The following CENPW variants were observed in gnomAD, a reference collection of about 807,000 sequenced individuals.
The protein encoded by CENPW is centromere protein W.
In CENPW, 3 loss-of-function variants were observed where a neutral mutation model predicts 11.1. The ratio of observed to expected loss-of-function variants is 0.27; its 90% confidence interval spans 0.12 to 0.70. The LOEUF (loss-of-function observed/expected upper bound fraction) is 0.70. CENPW is among the 30% of genes least tolerant of loss of function. The pLI is 0.77. For synonymous variants in CENPW, 38 were observed against 42.0 expected (o/e 0.91, Z 0.37); for missense variants, 100 against 105.6 (o/e 0.95, Z 0.23).
chr6:126,446,454 C>T, the CENPW span, among the ~76,000 whole-genome samples: 68,118 of 149,892 alleles, frequency 0.45, 17,133 homozygotes, highest in East Asian at 0.97. Flanking sequence ...CTGAGACAGA[C>T]TTTCTCTGTG....
chr6:126,343,283 C>A (rs1008613558), intron 1 of CENPW, among the ~76,000 whole-genome samples: 28 of 152,120 alleles, frequency 1.8e-4, no homozygotes, highest in African/African-American at 6.8e-4. Flanking sequence ...TAAGCCTTAG[C>A]GCATTGGAGT....
At chr6:126,374,089 T>C in the CENPW span, among the ~76,000 whole-genome samples, 1 of 152,122 alleles carries the variant, frequency 6.6e-6, no homozygotes, top group Non-Finnish European at 1.5e-5. Context: ...ATCACAGGGA[T>C]AGAGGGAGAA....
At chr6:126,353,150 G>A (rs1049102007), downstream of CENPW, among the ~76,000 whole-genome samples, 1 of 151,374 alleles carries the variant, frequency 6.6e-6, no homozygotes, top group African/African-American at 2.4e-5. Flanking sequence ...ACTACTAAGT[G>A]AATATTTATA....
chr6:126,370,135 C>T, the CENPW span, among the ~76,000 whole-genome samples: 3 of 152,042 alleles, frequency 2.0e-5, no homozygotes, highest in African/African-American at 7.2e-5. Context: ...GTCTATGTGC[C>T]TATTTATACC....
chr6:126,414,527 T>A, the CENPW span, among the ~76,000 whole-genome samples: 4 of 152,078 alleles, frequency 2.6e-5, no homozygotes, highest in African/African-American at 9.6e-5. Flanking sequence ...ATATGGAAAT[T>A]AACCAATATG....
chr6:126,375,567 T>C, the CENPW span, among the ~76,000 whole-genome samples: 1 of 152,110 alleles, frequency 6.6e-6, no homozygotes, highest in Non-Finnish European at 1.5e-5. Context: ...TTTCCCGTCT[T>C]TGCTCTCCAC....
the CENPW span, among the ~76,000 whole-genome samples, chr6:126,373,342 A>G: frequency 6.6e-6 from 1 of 152,254 alleles, no homozygotes; most frequent in Non-Finnish European, 1.5e-5. Flanking sequence ...CAATTTGAAC[A>G]AATAACACAG....
At chr6:126,355,902 T>G in the CENPW span, among the ~76,000 whole-genome samples, 7 of 152,306 alleles carry the variant, frequency 4.6e-5, no homozygotes, top group African/African-American at 1.7e-4. Flanking sequence ...GATTTTCAAC[T>G]AGCAAGGCTT....
At chr6:126,453,911 C>T in the CENPW span, among the ~76,000 whole-genome samples, 1 of 150,960 alleles carries the variant, frequency 6.6e-6, no homozygotes, top group Non-Finnish European at 1.5e-5. Context: ...GTAAGTCTAA[C>T]TTCAGAAAAA....
At chr6:126,400,941 A>G in the CENPW span, among the ~76,000 whole-genome samples, 1 of 152,028 alleles carries the variant, frequency 6.6e-6, no homozygotes, top group Non-Finnish European at 1.5e-5. Flanking sequence ...AATATCTGAT[A>G]TTGTCCAACT....
downstream of CENPW, among the ~76,000 whole-genome samples, chr6:126,350,400 T>A (rs1780477526): frequency 6.6e-6 from 1 of 152,150 alleles, no homozygotes; most frequent in South Asian, 2.1e-4. Context: ...AACTTCTCAT[T>A]CTGTCCTCAT....
the CENPW span, among the ~76,000 whole-genome samples, chr6:126,467,776 A>G: frequency 6.6e-6 from 1 of 152,184 alleles, no homozygotes; most frequent in Non-Finnish European, 1.5e-5. Context: ...TCCAAAAAAT[A>G]CAGTATAAAA....
At chr6:126,391,010 A>G in the CENPW span, among the ~76,000 whole-genome samples, 2 of 151,806 alleles carry the variant, frequency 1.3e-5, no homozygotes, top group African/African-American at 4.8e-5. Flanking sequence ...TTGCTGGACA[A>G]TATTATAGCT....
At chr6:126,384,395 A>T in the CENPW span, among the ~76,000 whole-genome samples, 1 of 152,150 alleles carries the variant, frequency 6.6e-6, no homozygotes, top group Non-Finnish European at 1.5e-5. Context: ...AGCTACAGTA[A>T]ACAAAGCATC....
the CENPW span, among the ~76,000 whole-genome samples, chr6:126,473,030 C>T: frequency 6.6e-6 from 1 of 152,160 alleles, no homozygotes; most frequent in Non-Finnish European, 1.5e-5. Flanking sequence ...AGATTGGCTT[C>T]TTTCACTTAA....
the CENPW span, among the ~76,000 whole-genome samples, chr6:126,401,370 A>C: frequency 6.6e-6 from 1 of 151,902 alleles, no homozygotes; most frequent in African/African-American, 2.4e-5. Flanking sequence ...TAGCCTCCTC[A>C]TGCTTCTACT....
At chr6:126,424,667 C>A in the CENPW span, among the ~76,000 whole-genome samples, 2 of 152,060 alleles carry the variant, frequency 1.3e-5, no homozygotes, top group African/African-American at 2.4e-5. Flanking sequence ...TCATGTATTG[C>A]ATTTTTGGAG....
the CENPW span, among the ~76,000 whole-genome samples, chr6:126,406,735 C>G: frequency 2.0e-5 from 3 of 151,900 alleles, no homozygotes; most frequent in African/African-American, 7.3e-5. Context: ...ACCTGTAATC[C>G]CAGCTACTTG....
the CENPW span, among the ~76,000 whole-genome samples, chr6:126,386,153 G>C: frequency 1.3e-5 from 2 of 151,970 alleles, no homozygotes; most frequent in African/African-American, 4.8e-5. Context: ...ATATGCAGAC[G>C]ATCTAATTAA....
Sources: gnomAD v4.1 joint callset for allele counts (sites outside exome capture counted in the v4.1 genomes callset) on GRCh38, gnomAD v4.1.1 for gene constraint, MANE v1.5 for transcripts, NCBI Gene and HGNC (gene_info 2026-07-23, HGNC 2026-07-21) for gene names.